The following CLIC4 variants were observed in gnomAD, a reference collection of about 807,000 sequenced individuals.
CLIC4 encodes the protein CLIC family member 4, also known as chloride intracellular channel protein 4.
Under a neutral mutation model 24.6 loss-of-function variants are expected in CLIC4, and 13 were observed. The ratio of observed to expected loss-of-function variants is 0.53; its 90% CI spans 0.34 to 0.84. CLIC4 has a LOEUF of 0.84. Among genes scored for constraint, CLIC4 ranks in the 40% least tolerant of loss-of-function variants. CLIC4 has a pLI of 0.01. For synonymous variants in CLIC4, 104 were observed against 111.3 expected, an observed-to-expected ratio of 0.93 and a Z score of 0.41; for missense variants, 227 against 301.7, an observed-to-expected ratio of 0.75 and a Z score of 1.83.
intron 2 of CLIC4, among the ~76,000 whole-genome samples, chr1:24,810,559 A>G (rs993767410): frequency 6.6e-6 from 1 of 152,150 alleles, no homozygotes; most frequent in East Asian, 1.9e-4. Flanking sequence ...ATTAGAAATT[A>G]AAGTTGAGAA....
chr1:24,745,816 G>T (rs1638685648), intron 1 of CLIC4, among the ~76,000 whole-genome samples, 191 bp downstream of exon 1: 1 of 151,640 alleles, frequency 6.6e-6, no homozygotes, highest in Non-Finnish European at 1.5e-5. Context: ...CCCGTCGAGG[G>T]GTCCGGGTTG....
intron 2 of CLIC4, among the ~76,000 whole-genome samples, chr1:24,812,106 T>A (rs902778768): frequency 6.6e-6 from 1 of 152,216 alleles, no homozygotes; most frequent in African/African-American, 2.4e-5. Context: ...GTTCACTTGT[T>A]TTATCTGTCT....
chr1:24,820,149 C>T (rs1639714802), intron 3 of CLIC4, among the ~76,000 whole-genome samples: 1 of 139,804 alleles, frequency 7.2e-6, no homozygotes, highest in African/African-American at 2.6e-5. Flanking sequence ...GCTGTCCTGG[C>T]TCACTGCAAC....
chr1:24,821,502 CTGTAG>C (rs1445959928), intron 3 of CLIC4, among the ~76,000 whole-genome samples: 1 of 152,094 alleles, frequency 6.6e-6, no homozygotes, highest in Admixed American at 6.6e-5. Flanking sequence ...GCCAAATCCC[CTGTAG>C]GGGTAAAAAT....
At chr1:24,823,939 T>C (rs1639761704) in intron 3 of CLIC4, among the ~76,000 whole-genome samples, 1 of 152,212 alleles carries the variant, frequency 6.6e-6, no homozygotes, top group African/African-American at 2.4e-5. Context: ...GTAAGCAGAA[T>C]TAAGGACTTA....
intron 4 of CLIC4, among the ~76,000 whole-genome samples, chr1:24,837,590 A>C (rs1289187752): frequency 6.6e-6 from 1 of 152,236 alleles, no homozygotes; most frequent in East Asian, 1.9e-4. Flanking sequence ...ATCAAAAGAA[A>C]GGACAATTTC....
chr1:24,773,236 T>C (rs1293741989), intron 1 of CLIC4, among the ~76,000 whole-genome samples: 2 of 152,244 alleles, frequency 1.3e-5, no homozygotes, highest in African/African-American at 4.8e-5. Context: ...TTTTTGACTC[T>C]ACTACTGAAC....
At chr1:24,755,722 A>T (rs1481857839) in intron 1 of CLIC4, among the ~76,000 whole-genome samples, 1 of 152,102 alleles carries the variant, frequency 6.6e-6, no homozygotes, top group African/African-American at 2.4e-5. Context: ...TAATAAAACC[A>T]GGATAATATG....
intron 2 of CLIC4, among the ~76,000 whole-genome samples, chr1:24,802,441 C>A (rs1483570486): frequency 6.6e-6 from 1 of 152,020 alleles, no homozygotes; most frequent in Non-Finnish European, 1.5e-5. Flanking sequence ...TAGAAAATAT[C>A]AAAGAAGATA....
intron 2 of CLIC4, among the ~76,000 whole-genome samples, chr1:24,802,175 C>T (rs770560970): frequency 6.6e-6 from 1 of 152,196 alleles, no homozygotes; most frequent in Non-Finnish European, 1.5e-5. Flanking sequence ...AATTGTGATA[C>T]ATACCAGTAA....
intron 1 of CLIC4, among the ~76,000 whole-genome samples, chr1:24,768,417 A>G (rs1639030306): frequency 6.6e-6 from 1 of 152,198 alleles, no homozygotes; most frequent in African/African-American, 2.4e-5. Context: ...TAACACATCT[A>G]CATTTCTCTT....
intron 1 of CLIC4, among the ~76,000 whole-genome samples, chr1:24,746,019 G>A (rs1571224108): frequency 6.6e-6 from 1 of 151,342 alleles, no homozygotes; most frequent in East Asian, 1.9e-4. Flanking sequence ...CCGCTCCCCA[G>A]CGCTCCGGTC....
chr1:24,790,295 C>T (rs975587194), intron 1 of CLIC4, among the ~76,000 whole-genome samples: 8 of 152,208 alleles, frequency 5.3e-5, no homozygotes, highest in Non-Finnish European at 7.3e-5. Context: ...TGGTCTTAAA[C>T]GCCTGACCTC....
intron 3 of CLIC4, among the ~76,000 whole-genome samples, chr1:24,826,564 G>T (rs1476299975): frequency 2.0e-5 from 3 of 152,206 alleles, no homozygotes; most frequent in Non-Finnish European, 4.4e-5. Context: ...AATTTTGTTT[G>T]TGATTAATTT....
chr1:24,805,070 G>A (rs371635977), intron 2 of CLIC4, among the ~76,000 whole-genome samples: 1 of 115,654 alleles, frequency 8.6e-6, no homozygotes, highest in Non-Finnish European at 1.6e-5. Flanking sequence ...CTGGGCAACA[G>A]AGTGAGACTC....
In CLIC4 at chr1:24,804,370, ATGTG is replaced by A. The variant is rs1639523167; in HGVS notation, c.182+6524_182+6527del. ...CACTGTGTGTGTGGGGGGTGTGTGTATGTGTGTGCATGTGTGTGGGTGGGTGGGT... is the reference window on the plus strand; with the variant it reads ...CACTGTGTGTGTGGGGGGTGTGTGTATGTGCATGTGTGTGGGTGGGTGGGT... On this transcript the variant is annotated intron_variant, in intron 2 of 5. Coordinates refer to ENST00000374379, the MANE Select transcript of CLIC4 (RefSeq NM_013943.3). Among the ~76,000 whole-genome samples the A allele has an allele frequency of 3.4e-5, 4 of 116,694 alleles. No homozygotes were observed. In the South Asian group the frequency reaches 1.3e-3, roughly 38 times the overall value. The allele number at this position is 116,694 out of a possible 152,430, so 76.6% of individuals were successfully genotyped here.
intron 1 of CLIC4, among the ~76,000 whole-genome samples, chr1:24,753,251 C>A (rs979787252): frequency 3.3e-5 from 5 of 152,130 alleles, no homozygotes; most frequent in Admixed American, 2.6e-4. Flanking sequence ...TCACAAAGGT[C>A]TCTTCTAGTT....
intron 1 of CLIC4, among the ~76,000 whole-genome samples, chr1:24,781,404 A>G (rs983500166): frequency 6.6e-6 from 1 of 151,432 alleles, no homozygotes; most frequent in African/African-American, 2.4e-5. Flanking sequence ...GGCCTCCCAC[A>G]ATGCTGGGAT....
intron 3 of CLIC4, among the ~76,000 whole-genome samples, chr1:24,816,733 C>T (rs1172492782): frequency 1.3e-5 from 2 of 152,204 alleles, no homozygotes; most frequent in Non-Finnish European, 2.9e-5. Context: ...CAACCATGAT[C>T]TCCCTGTATA....
Sources: gnomAD v4.1 joint callset for allele counts (sites outside exome capture counted in the v4.1 genomes callset) on GRCh38, gnomAD v4.1.1 for gene constraint, MANE v1.5 for transcripts, NCBI Gene and HGNC (gene_info 2026-07-23, HGNC 2026-07-21) for gene names.